Variants in GALM observed in about 807,000 individuals in gnomAD.
GALM encodes the protein aldose 1-epimerase.
A neutral mutation model predicts 37.4 loss-of-function variants in GALM; 43 were observed. The observed-to-expected ratio is 1.15, with a 90% confidence interval of 0.90 to 1.48. GALM has a LOEUF of 1.48. Ranked by LOEUF, GALM falls within the 40% of genes most tolerant of loss-of-function variation. GALM has a pLI of 0.00. For missense variants in GALM, 456 were observed against 419.1 expected (o/e 1.09, Z -0.77); for synonymous variants, 199 against 170.6 (o/e 1.17, Z -1.30).
intron 3 of GALM, among the ~76,000 whole-genome samples, chr2:38,688,608 G>A (rs955822921): frequency 6.6e-6 from 1 of 152,052 alleles, no homozygotes; most frequent in Non-Finnish European, 1.5e-5. Flanking sequence ...AGCATTCACT[G>A]AGCAAAAGCC....
Position 38,666,200 on chromosome 2 carries a change from C to T in GALM, c.39C>T (p.Pro13=), listed in dbSNP as rs1273488481. 1.2e-6 allele frequency: 2 copies of T among 1,613,720 alleles called. No individual in the cohort carries two copies. Among genetic ancestry groups the T allele is most frequent in the African/African-American group, 2.7e-5 (2 of 74,888 alleles). The part of the protein sequence containing the change: ...SVTRAVFGEL[P]SGGGTVEKFQ... ...CCAGGGCCGTGTTTGGAGAGCTGCC[C>T]TCGGGAGGAGGGACAGTGGAGAAGT... The change falls in exon 1 of 7, where the codon CCC becomes CCT. Residue 13 remains proline (P), a synonymous_variant. Transcript: ENST00000272252.
intron 3 of GALM, among the ~76,000 whole-genome samples, chr2:38,682,111 C>G (rs574996635): frequency 1.3e-5 from 2 of 152,294 alleles, no homozygotes; most frequent in Admixed American, 1.3e-4. Flanking sequence ...GGTTAAGACA[C>G]TAAAATCAAC....
chr2:38,682,315 T>C (rs539216264), intron 3 of GALM: 4 of 443,792 alleles, frequency 9.0e-6, no homozygotes, highest in Non-Finnish European at 1.8e-5. Flanking sequence ...GTAGATTATA[T>C]CTATTACTTC....
chr2:38,689,930 C>G, intron 4 of GALM, 36 bp downstream of exon 4: 6 of 1,252,800 alleles, frequency 4.8e-6, no homozygotes, highest in Non-Finnish European at 4.6e-6. Flanking sequence ...TATGTGGGAT[C>G]ATGGATTGGC....
chr2:38,705,973 G>C (rs376466754), intron 4 of GALM, among the ~76,000 whole-genome samples: 30 of 151,900 alleles, frequency 2.0e-4, no homozygotes, highest in African/African-American at 6.8e-4. Context: ...TCAGCCTCCC[G>C]AGTAGCAGGG....
At chr2:38,687,349 C>A (rs1665562585) in intron 3 of GALM, among the ~76,000 whole-genome samples, 1 of 152,178 alleles carries the variant, frequency 6.6e-6, no homozygotes, top group Admixed American at 6.5e-5. Flanking sequence ...GGCCTTTGCC[C>A]TGGCTTTGTC....
At chr2:38,695,055 G>A (rs1046261898) in intron 4 of GALM, among the ~76,000 whole-genome samples, 2 of 152,120 alleles carry the variant, frequency 1.3e-5, no homozygotes, top group African/African-American at 2.4e-5. Flanking sequence ...AAGTTGTGTT[G>A]AAAGTTCACA....
Position 38,722,040 on chromosome 2 carries a change from A to AC in GALM, c.635-7504dup, listed in dbSNP as rs1178141610. ...AACTATGCCTTCCCTTCCCCCCCCC[A>AC]CCCCCCCCCCCCACCTAGAACAGAA... On this transcript the variant is annotated intron_variant, in intron 4 of 6. Transcript: ENST00000272252. 6.7e-3 allele frequency among the ~76,000 whole-genome samples: 357 copies of AC among 53,210 alleles called. 2 individuals are homozygous for AC. Among genetic ancestry groups the AC allele is most frequent in the Middle Eastern group, 0.019 (1 of 54 alleles). The allele number at this position is 53,210 out of a possible 152,430, so 34.9% of individuals were successfully genotyped here. A position where few individuals can be genotyped will look rare whatever the true frequency, so the allele number is the denominator to read the frequency against.
intron 1 of GALM, chr2:38,668,762 C>G (rs2148422212): frequency 6.7e-6 from 1 of 150,342 alleles, no homozygotes; most frequent in Admixed American, 6.6e-5. Context: ...GACCCTGTCT[C>G]TAAAATAAAT....
intron 1 of GALM, chr2:38,669,337 A>T (rs1665028858): frequency 6.6e-6 from 1 of 152,252 alleles, no homozygotes; most frequent in African/African-American, 2.4e-5. Flanking sequence ...TGTTCTGATT[A>T]CCGGTGCATG....
intron 4 of GALM, among the ~76,000 whole-genome samples, chr2:38,718,622 AT>A (rs1283780447): frequency 1.3e-5 from 2 of 151,874 alleles, no homozygotes; most frequent in East Asian, 3.9e-4. Flanking sequence ...CCTTAAAATA[AT>A]TTTTAATTGT....
chr2:38,689,818 C>G lies in GALM; in HGVS notation c.558C>G (p.Ser186=). 1 of 1,597,190 alleles carries G rather than the reference C, an allele frequency of 6.3e-7. No homozygotes were observed. Among genetic ancestry groups the G allele is most frequent in the African/African-American group, 1.3e-5 (1 of 74,540 alleles). The change falls in exon 4 of 7, where the codon TCC becomes TCG. Residue 186 remains serine (S), a synonymous_variant. Transcript: ENST00000272252. ...HSYFNLAGQA[S]PNINDHEVTI... is the part of the protein sequence containing the mutation. ...CCCCTACCTTTTCCTCCCAGGCTTC[C>G]CCAAATATAAATGACCATGAAGTCA...
intron 4 of GALM, among the ~76,000 whole-genome samples, chr2:38,718,695 C>T (rs1263804636): frequency 6.6e-6 from 1 of 151,718 alleles, no homozygotes; most frequent in Non-Finnish European, 1.5e-5. Context: ...TATTCCTGCA[C>T]TGTCTACTGG....
chr2:38,688,961 C>T (rs915109245), intron 3 of GALM, among the ~76,000 whole-genome samples: 1 of 152,208 alleles, frequency 6.6e-6, no homozygotes, highest in Non-Finnish European at 1.5e-5. Context: ...GCTGAGATTA[C>T]AGGCATGTGC....
At chr2:38,703,858 A>G (rs1176571607) in intron 4 of GALM, among the ~76,000 whole-genome samples, 1 of 151,966 alleles carries the variant, frequency 6.6e-6, no homozygotes, top group East Asian at 1.9e-4. Flanking sequence ...GTGAAAATAC[A>G]AAAACAATCA....
chr2:38,669,076 A>C (rs1367863834), intron 1 of GALM: 1 of 152,196 alleles, frequency 6.6e-6, no homozygotes, highest in Non-Finnish European at 1.5e-5. Context: ...ATTCTAAAGA[A>C]GAAAATTATA....
In GALM at chr2:38,729,670, G is replaced by A; in HGVS notation, c.749G>A (p.Gly250Glu). ...NGFDHNFCLK[G>E]SKEKHFCARV... ...TTTGACCACAATTTCTGTCTGAAGG[G>A]ATCTAAAGAAAAGCATTTTTGTGCA... Residue 250 changes from glycine (G) to glutamate (E), a missense_variant, in exon 5 of 7, where the codon GGA becomes GAA. Coordinates refer to ENST00000272252, the MANE Select transcript of GALM (RefSeq NM_138801.3). 6.2e-7 allele frequency: 1 copy of A among 1,613,398 alleles called. No individual in the cohort carries two copies. Among genetic ancestry groups the A allele is most frequent in the Non-Finnish European group, 8.5e-7 (1 of 1,179,562 alleles).
At chr2:38,722,133 C>G (rs67716743) in intron 4 of GALM, among the ~76,000 whole-genome samples, 86,521 of 146,972 alleles carry the variant, frequency 0.59, 26,394 homozygotes, top group East Asian at 0.87. Flanking sequence ...GCGGAGGCAG[C>G]TGGATCACTT....
chr2:38,708,685 T>C (rs1666090931), intron 4 of GALM, among the ~76,000 whole-genome samples: 1 of 141,344 alleles, frequency 7.1e-6, no homozygotes. Flanking sequence ...AGCAAGATCA[T>C]GCCATTGCAC....
Sources: allele counts gnomAD v4.1 joint callset (sites outside exome capture counted in the v4.1 genomes callset), GRCh38; gene constraint gnomAD v4.1.1; transcripts MANE v1.5; gene names NCBI Gene and HGNC (gene_info 2026-07-23, HGNC 2026-07-21).